Variants in FYN observed in about 807,000 individuals in gnomAD.
FYN encodes the protein FYN proto-oncogene, Src family tyrosine kinase.
FYN carries 10 observed loss-of-function variants against 70.2 expected under a neutral mutation model. That is an observed-to-expected ratio of 0.14 (90% CI 0.09 to 0.24). The LOEUF is 0.24. Among genes scored for constraint, FYN ranks in the 10% least tolerant of loss-of-function variants. FYN has a pLI of 1.00. For missense variants in FYN, 319 were observed against 673.1 expected, an observed-to-expected ratio of 0.47 and a Z score of 5.82; for synonymous variants, 236 against 248.6, an observed-to-expected ratio of 0.95 and a Z score of 0.48.
intron 2 of FYN, among the ~76,000 whole-genome samples, chr6:111,802,860 T>C (rs1024055958): frequency 7.2e-5 from 11 of 152,198 alleles, no homozygotes; most frequent in Admixed American, 7.2e-4. Context: ...CACAGTCCAC[T>C]TAACCACTAT....
chr6:111,739,796 A>C (rs1801874309), intron 3 of FYN, among the ~76,000 whole-genome samples: 1 of 152,198 alleles, frequency 6.6e-6, no homozygotes, highest in Admixed American at 6.5e-5. Flanking sequence ...TAAATTACTG[A>C]TAGAAAGTTA....
intron 3 of FYN, among the ~76,000 whole-genome samples, chr6:111,773,446 AGGGAGAGGGAGAGAGT>A (rs1803540807): frequency 1.7e-5 from 1 of 58,582 alleles, no homozygotes; most frequent in Non-Finnish European, 3.3e-5. Context: ...AAAGGGAGAG[AGGGAGAGGGAGAGAGT>A]GGGAAAGGGA....
intron 13 of FYN, among the ~76,000 whole-genome samples, chr6:111,662,534 G>C (rs1797799392): frequency 1.3e-5 from 2 of 152,118 alleles, no homozygotes; most frequent in African/African-American, 4.8e-5. Context: ...GTTTATGTTT[G>C]TCAAAACTCA....
chr6:111,713,275 C>T (rs889663398), intron 5 of FYN, among the ~76,000 whole-genome samples: 1 of 152,190 alleles, frequency 6.6e-6, no homozygotes, highest in African/African-American at 2.4e-5. Context: ...GCAATCAGCA[C>T]TCCTCTTTCC....
chr6:111,831,516 A>G (rs1397881790), intron 2 of FYN, among the ~76,000 whole-genome samples: 1 of 152,180 alleles, frequency 6.6e-6, no homozygotes, highest in African/African-American at 2.4e-5. Flanking sequence ...CAAATCTGTA[A>G]TATTCAAGGA....
intron 12 of FYN, among the ~76,000 whole-genome samples, chr6:111,693,392 CCCAGCTATAAACA>C (rs1799433681): frequency 6.6e-6 from 1 of 152,026 alleles, no homozygotes; most frequent in African/African-American, 2.4e-5. Flanking sequence ...TCCCCCTTGC[CCCAGCTATAAACA>C]TTATATTCTA....
chr6:111,732,698 T>G (rs1358383631), intron 3 of FYN, among the ~76,000 whole-genome samples: 1 of 152,188 alleles, frequency 6.6e-6, no homozygotes, highest in Non-Finnish European at 1.5e-5. Flanking sequence ...TATAATATAT[T>G]CAACTCCTGA....
chr6:111,725,519 T>TG (rs60001304), intron 3 of FYN, among the ~76,000 whole-genome samples: 19,209 of 152,180 alleles, frequency 0.13, 2,386 homozygotes, highest in African/African-American at 0.31. Context: ...AGCAGGGCTA[T>TG]GCTGGCCACT....
At chr6:111,777,365 A>G (rs1770992648) in intron 3 of FYN, among the ~76,000 whole-genome samples, 1 of 151,476 alleles carries the variant, frequency 6.6e-6, no homozygotes, top group Non-Finnish European at 1.5e-5. Context: ...TCCATTTTTA[A>G]ACCTTCAAAA....
intron 1 of FYN, among the ~76,000 whole-genome samples, chr6:111,849,542 G>A (rs1309264850): frequency 6.6e-6 from 1 of 152,230 alleles, no homozygotes; most frequent in African/African-American, 2.4e-5. Flanking sequence ...CTGCACAACA[G>A]AGGAGTGGCT....
At chr6:111,805,910 GCT>G (rs1772131885) in intron 2 of FYN, among the ~76,000 whole-genome samples, 1 of 152,184 alleles carries the variant, frequency 6.6e-6, no homozygotes, top group Admixed American at 6.5e-5. Context: ...TTAGGAGCTG[GCT>G]CTCACAGTAG....
Position 111,696,320 on chromosome 6 carries a change from C to T in FYN, c.999G>A (p.Val333=), listed in dbSNP as rs955118842. 6.2e-7 allele frequency: 1 copy of T among 1,612,618 alleles called. No homozygotes were observed. Residue 333 remains valine (V), a synonymous_variant, in exon 10 of 14, where the codon GTG becomes GTA. Transcript: ENST00000354650. Reference sequence around the variant, plus strand: ...TGACGATGTAGATGGGCTCCTCAGACACCACTGCATAGAGCTGGACCAGCT... The same window carrying T: ...TGACGATGTAGATGGGCTCCTCAGATACCACTGCATAGAGCTGGACCAGCT... The part of the protein sequence containing the change: ...HDKLVQLYAV[V]SEEPIYIVTE...
chr6:111,698,396 G>C (rs1799673787), intron 9 of FYN, among the ~76,000 whole-genome samples: 1 of 152,158 alleles, frequency 6.6e-6, no homozygotes, highest in Non-Finnish European at 1.5e-5. Context: ...GCCTCCCAAA[G>C]TGCTGGGATT....
intron 1 of FYN, among the ~76,000 whole-genome samples, chr6:111,849,407 C>G (rs1773621903): frequency 6.6e-6 from 1 of 152,208 alleles, no homozygotes. Flanking sequence ...TCCCCGTCAC[C>G]CCCCTGCACT....
At chr6:111,836,268 T>G (rs897359850) in intron 2 of FYN, among the ~76,000 whole-genome samples, 4 of 152,166 alleles carry the variant, frequency 2.6e-5, no homozygotes, top group African/African-American at 4.8e-5. Context: ...GATGGCGATA[T>G]GACGGAAAAT....
At chr6:111,730,789 C>T (rs1801412489) in intron 3 of FYN, among the ~76,000 whole-genome samples, 1 of 152,184 alleles carries the variant, frequency 6.6e-6, no homozygotes, top group African/African-American at 2.4e-5. Flanking sequence ...TGTTGATATC[C>T]AATCAAGTAT....
rs575413072 is a variant in FYN at position 111,841,520 on chromosome 6, C to T, written c.-82+5069G>A. Among the ~76,000 whole-genome samples the T allele has an allele frequency of 2.4e-3, 369 of 152,272 alleles. 15 individuals are homozygous for T. In the South Asian group the frequency reaches 0.061, roughly 25 times the overall value. The stretch of plus-strand genomic sequence containing the variant: ...GATGTTAGTCCTTGGGCAATTCATT[C>T]CCCTTTGGCTGAGCTTTATTTTCCT... On this transcript the variant is annotated intron_variant, in intron 2 of 13. Transcript: ENST00000354650.
chr6:111,799,186 G>A lies in FYN; in HGVS notation c.-81-18551C>T, dbSNP rs185709763. On this transcript the variant is annotated intron_variant, in intron 2 of 13. Coordinates refer to ENST00000354650, the MANE Select transcript of FYN (RefSeq NM_002037.5). Reference sequence around the variant, plus strand: ...GGAAGGGTGATTCTAAAAAAGCAACGTTCAAAAATAAACAAGTTTTTAAAA... The same window carrying A: ...GGAAGGGTGATTCTAAAAAAGCAACATTCAAAAATAAACAAGTTTTTAAAA... 7.4e-4 allele frequency among the ~76,000 whole-genome samples: 113 copies of A among 152,202 alleles called. 1 individual carries two copies. The highest frequency in any genetic ancestry group is 9.9e-4 in the Non-Finnish European group (67 of 67,996).
chr6:111,845,155 G>C (rs1773489197), intron 2 of FYN, among the ~76,000 whole-genome samples: 1 of 152,260 alleles, frequency 6.6e-6, no homozygotes, highest in Non-Finnish European at 1.5e-5. Context: ...TTGGACAGGG[G>C]AGGGCAAGTC....
Sources: allele counts gnomAD v4.1 joint callset (sites outside exome capture counted in the v4.1 genomes callset), GRCh38; gene constraint gnomAD v4.1.1; transcripts MANE v1.5; gene names NCBI Gene and HGNC (gene_info 2026-07-23, HGNC 2026-07-21).